PIGV: variants seen among roughly 807,000 people sequenced by gnomAD.
PIGV encodes GPI alpha-1,6-mannosyltransferase 2.
Under a neutral mutation model 39.2 loss-of-function variants are expected in PIGV, and 27 were observed. The observed-to-expected ratio is 0.69, with a 90% CI of 0.51 to 0.95. PIGV has a LOEUF of 0.95. Among genes scored for constraint, PIGV ranks in the 40% least tolerant of loss-of-function variants. PIGV has a pLI of 0.00. For synonymous variants in PIGV, 232 were observed against 241.7 expected, an observed-to-expected ratio of 0.96 and a Z score of 0.37; for missense variants, 523 against 586.4, an observed-to-expected ratio of 0.89 and a Z score of 1.12.
rs1557629934 is a variant in PIGV, at chr1:26,797,554, G to A, written c.1201-9G>A. 1 of 1,613,234 alleles carries A rather than the reference G, an allele frequency of 6.2e-7. No homozygotes were observed. The highest frequency in any genetic ancestry group is 1.1e-5 in the South Asian group (1 of 91,026). On this transcript the variant is annotated splice_polypyrimidine_tract_variant and intron_variant, in intron 3 of 3. Coordinates refer to ENST00000674202, the MANE Select transcript of PIGV (RefSeq NM_017837.4). ...AAATGTCTGGATATTCCCCTCTCAT[G>A]ATTTCTAGGTTCTCACCAGGTTTTT...
At chr1:26,795,361 T>G in intron 3 of PIGV, 127 bp downstream of exon 3, 1 of 1,162,380 alleles carries the variant, frequency 8.6e-7, no homozygotes, top group Non-Finnish European at 1.3e-6. Flanking sequence ...CAATGACTAT[T>G]TAGGGTTATT....
At chr1:26,795,827 T>C (rs534902360) in intron 3 of PIGV, among the ~76,000 whole-genome samples, 1 of 151,528 alleles carries the variant, frequency 6.6e-6, no homozygotes, top group East Asian at 1.9e-4. Flanking sequence ...AGTGCTATTT[T>C]GAGATTTATT....
chr1:26,797,447 C>T (rs552610317), intron 3 of PIGV, 116 bp from the exon 4 acceptor site: 389 of 834,070 alleles, frequency 4.7e-4, no homozygotes, highest in Middle Eastern at 2.1e-3. Context: ...CAGTGTAATA[C>T]ATTTCTAGTC....
intron 3 of PIGV, among the ~76,000 whole-genome samples, chr1:26,795,438 C>T (rs1339559966): frequency 6.6e-6 from 1 of 152,098 alleles, no homozygotes; most frequent in Non-Finnish European, 1.5e-5. Flanking sequence ...TGCGGCCAGG[C>T]GCGGTGGCTC....
chr1:26,787,908 C>G (rs1057077681), upstream of PIGV: 1 of 152,272 alleles, frequency 6.6e-6, no homozygotes, highest in Non-Finnish European at 1.5e-5. Flanking sequence ...GCTCCAAGTC[C>G]GGGCAGGAGC....
In PIGV at chr1:26,790,909, T is replaced by C; in HGVS notation, c.78+16T>C. Reference sequence around the variant, plus strand: ...GATGCTGCAGGTCAGTCTCCCATCCTTTGTCCTGAATGTGCTATTGCTACA... The same window carrying C: ...GATGCTGCAGGTCAGTCTCCCATCCCTTGTCCTGAATGTGCTATTGCTACA... On this transcript the variant is annotated intron_variant, in intron 2 of 3. Coordinates refer to ENST00000674202, the MANE Select transcript of PIGV (RefSeq NM_017837.4). 1 of 1,606,854 alleles carries C rather than the reference T, an allele frequency of 6.2e-7. No homozygotes were observed. The highest frequency in any genetic ancestry group is 1.3e-5 in the African/African-American group (1 of 74,888).
In PIGV at chr1:26,794,297, T is replaced by C. The variant is rs779902346; in HGVS notation, c.263T>C (p.Phe88Ser). The change falls in exon 3 of 4, where the codon TTT becomes TCT. Residue 88 changes from phenylalanine (F) to serine (S), a missense_variant. Transcript: ENST00000674202. ...GYLYEHNFAF[F>S]PGFPLALLVG... is the part of the protein sequence containing the mutation. The stretch of plus-strand genomic sequence containing the variant: ...CTGTATGAGCACAACTTTGCCTTCT[T>C]TCCTGGTTTCCCCTTGGCCCTGCTG... 1 of 1,614,262 alleles carries C rather than the reference T, an allele frequency of 6.2e-7. No homozygotes were observed. Among genetic ancestry groups the C allele is most frequent in the Non-Finnish European group, 8.5e-7 (1 of 1,180,042 alleles).
At chr1:26,790,982 C>A in intron 2 of PIGV, 89 bp downstream of exon 2, 1 of 1,073,580 alleles carries the variant, frequency 9.3e-7, no homozygotes, top group Non-Finnish European at 1.4e-6. Flanking sequence ...TTCCACCTCT[C>A]AGGTGTGCCC....
intron 1 of PIGV, chr1:26,789,070 A>G (rs2081277729): frequency 6.6e-6 from 1 of 152,238 alleles, no homozygotes; most frequent in South Asian, 2.1e-4. Flanking sequence ...TCTCTTCTGC[A>G]TGCGCGTGGG....
At chr1:26,789,338 G>C (rs2081281721) in intron 1 of PIGV, among the ~76,000 whole-genome samples, 1 of 152,362 alleles carries the variant, frequency 6.6e-6, no homozygotes, top group Non-Finnish European at 1.5e-5. Flanking sequence ...TAAGCAGCAG[G>C]CGCCCCCTTG....
chr1:26,795,848 T>G lies in PIGV; in HGVS notation c.1200+614T>G, dbSNP rs558114975. On this transcript the variant is annotated intron_variant, in intron 3 of 3. Coordinates refer to ENST00000674202, the MANE Select transcript of PIGV (RefSeq NM_017837.4). ...ATTTTGAGATTTATTTTATTTTACT[T>G]TATTTATTTATTTATTTATTTATTT... Among the ~76,000 whole-genome samples, 9 of 150,910 alleles carry G rather than the reference T, an allele frequency of 6.0e-5. No individual in the cohort carries two copies. In the East Asian group the frequency reaches 1.8e-3, roughly 29 times the overall value.
In PIGV at chr1:26,797,665, C is replaced by A; in HGVS notation, c.1303C>A (p.Pro435Thr). 4 of 1,614,086 alleles carry A rather than the reference C, an allele frequency of 2.5e-6. No individual in the cohort carries two copies. The highest frequency in any genetic ancestry group is 3.4e-6 in the Non-Finnish European group (4 of 1,179,962). ...GCTGTTGAGATCCTTAAAGACTGTG[C>A]CTTGGAAGCCTCTTGCAGAGGACTC... ...EPLLRSLKTV[P>T]WKPLAEDSPP... The change falls in exon 4 of 4, where the codon CCT (proline) becomes ACT (threonine). Residue 435 changes from proline (P) to threonine (T), a missense_variant. Pro to Thr is a conservative substitution (Grantham distance 38, BLOSUM62 -1). Transcript: ENST00000674202.
Position 26,798,927 on chromosome 1 carries a change from A to C in PIGV, c.*1083A>C, listed in dbSNP as rs2081421191. Among the ~76,000 whole-genome samples, 1 of 152,166 alleles carries C rather than the reference A, an allele frequency of 6.6e-6. No homozygotes were observed. Among genetic ancestry groups the C allele is most frequent in the South Asian group, 2.1e-4 (1 of 4,830 alleles). On this transcript the variant is annotated 3_prime_UTR_variant, in exon 4 of 4. Coordinates refer to ENST00000674202, the MANE Select transcript of PIGV (RefSeq NM_017837.4). ...GTTACCACCTCTGAAACCATGGGAA[A>C]TGATGATATTCTTCAGGGGGTGGTG...
At position 26,797,744 on chromosome 1, in the gene PIGV, G is replaced by A. The variant is rs747373591; in HGVS notation, c.1382G>A (p.Trp461Ter). ...RNPIMGLLYH[W>*]KTCSPVTRYI... ...CCTATCATGGGACTTTTGTATCACT[G>A]GAAAACCTGTTCTCCAGTCACACGA... Residue 461 changes from tryptophan to a stop codon, truncating the protein, a stop_gained, in exon 4 of 4, where the codon TGG becomes TAG. Coordinates refer to ENST00000674202, the MANE Select transcript of PIGV (RefSeq NM_017837.4). LOFTEE classifies it high-confidence loss of function. 6.2e-7 allele frequency: 1 copy of A among 1,614,002 alleles called. No individual in the cohort carries two copies. Among genetic ancestry groups the A allele is most frequent in the Non-Finnish European group, 8.5e-7 (1 of 1,179,942 alleles).
In PIGV at chr1:26,794,415, C is replaced by T; in HGVS notation, c.381C>T (p.Phe127=). The T allele has an allele frequency of 3.1e-6, 5 of 1,614,252 alleles. No individual in the cohort carries two copies. Among genetic ancestry groups the T allele is most frequent in the Non-Finnish European group, 4.2e-6 (5 of 1,180,040 alleles). The part of the protein sequence containing the change: ...ISVASLNFLF[F]MLAAVALHDL... ...TAGCATCACTCAATTTCTTGTTCTTCATGTTGGCTGCAGTTGCACTTCATG... is the reference window on the plus strand; with the variant it reads ...TAGCATCACTCAATTTCTTGTTCTTTATGTTGGCTGCAGTTGCACTTCATG... The change falls in exon 3 of 4, where the codon TTC becomes TTT. Residue 127 remains phenylalanine (F), a synonymous_variant. Transcript: ENST00000674202.
upstream of PIGV, chr1:26,787,516 G>A (rs558051732): frequency 3.9e-5 from 6 of 152,320 alleles, no homozygotes; most frequent in Non-Finnish European, 5.9e-5. Flanking sequence ...GAAACCCCAA[G>A]AATGTTTTTC....
chr1:26,790,939 T>C, intron 2 of PIGV, 46 bp downstream of exon 2: 2 of 1,477,420 alleles, frequency 1.4e-6, no homozygotes, highest in Non-Finnish European at 1.9e-6. Flanking sequence ...GCTACATGAC[T>C]GGACTAGGCA....
In PIGV at chr1:26,790,835, C is replaced by T. The variant is rs1321002098; in HGVS notation, c.20C>T (p.Ser7Phe). The change falls in exon 2 of 4, where the codon TCC becomes TTC. Residue 7 changes from serine (S) to phenylalanine (F), a missense_variant. Physicochemically the swap from Ser to Phe is radical, Grantham distance 155 (BLOSUM62 -2). Transcript: ENST00000674202. Reference sequence around the variant, plus strand: ...GAAAGGATGTGGCCCCAGGACCCATCCCGGAAGGAGGTGCTGAGGTTTGCA... The same window carrying T: ...GAAAGGATGTGGCCCCAGGACCCATTCCGGAAGGAGGTGCTGAGGTTTGCA... MWPQDP[S>F]RKEVLRFAVS... is the part of the protein sequence containing the mutation. 1 of 1,614,084 alleles carries T rather than the reference C, an allele frequency of 6.2e-7. No individual in the cohort carries two copies. Among genetic ancestry groups the T allele is most frequent in the East Asian group, 2.2e-5 (1 of 44,882 alleles).
At position 26,798,217 on chromosome 1, in the gene PIGV, C is replaced by G. The variant is rs566171652; in HGVS notation, c.*373C>G. On this transcript the variant is annotated 3_prime_UTR_variant, in exon 4 of 4. Coordinates refer to ENST00000674202, the MANE Select transcript of PIGV (RefSeq NM_017837.4). ...AAATTTCATCAAAGGCATTAGCTGA[C>G]AGGCTGGTAACAGTCCACACAAGAT... 1 of 330,188 alleles carries G rather than the reference C, an allele frequency of 3.0e-6. No homozygotes were observed. Among genetic ancestry groups the G allele is most frequent in the South Asian group, 2.6e-5 (1 of 38,046 alleles). 20.5% of individuals were successfully genotyped at this position (330,188 alleles called of 1,614,324 possible).
Sources: gnomAD v4.1 joint callset for allele counts (sites outside exome capture counted in the v4.1 genomes callset) on GRCh38, gnomAD v4.1.1 for gene constraint, MANE v1.5 for transcripts, NCBI Gene and HGNC (gene_info 2026-07-23, HGNC 2026-07-21) for gene names.